The following CENPT variants were observed in gnomAD, a reference collection of about 807,000 sequenced individuals.
CENPT encodes centromere protein T, also known as interphase centromere complex protein 22.
A neutral mutation model predicts 59.7 loss-of-function variants in CENPT; 42 were observed. The observed-to-expected ratio is 0.70, with a 90% confidence interval of 0.55 to 0.91. CENPT has a LOEUF of 0.91. Ranked by LOEUF, CENPT falls within the 40% of genes least tolerant of loss-of-function variation. The probability of loss-of-function intolerance (pLI) is 0.00; values close to 1 mark genes in which losing one functional copy is unlikely to be tolerated. For synonymous variants in CENPT, 295 were observed against 289.6 expected (o/e 1.02, Z -0.19); for missense variants, 716 against 713.4 (o/e 1.00, Z -0.04).
chr16:67,834,647 G>T (rs937628296), intron 3 of CENPT, among the ~76,000 whole-genome samples: 2 of 152,076 alleles, frequency 1.3e-5, no homozygotes, highest in Non-Finnish European at 2.9e-5. Context: ...GATCTGCTTT[G>T]CAAATCTGTC....
At position 67,830,406 on chromosome 16, in the gene CENPT, A is replaced by C. The variant is rs1253259634; in HGVS notation, c.846T>G (p.Pro282=). Residue 282 remains proline (P), a synonymous_variant, in exon 11 of 16, where the codon CCT becomes CCG. Coordinates refer to ENST00000562787, the MANE Select transcript of CENPT (RefSeq NM_025082.4). The part of the protein sequence containing the change: ...AAGRKTQSSG[P]GLQKNSPGKP... ...CACACTCACTATTCTTCTGCAGCCC[A>C]GGCCCACTGCTCTGTGTCTTGCGAC... 2.5e-6 allele frequency: 4 copies of C among 1,610,688 alleles called. No homozygotes were observed. Among genetic ancestry groups the C allele is most frequent in the African/African-American group, 2.7e-5 (2 of 74,724 alleles).
Position 67,832,513 on chromosome 16 carries a change from G to A in CENPT, c.143C>T (p.Pro48Leu), listed in dbSNP as rs1161063145. 1 of 1,613,998 alleles carries A rather than the reference G, an allele frequency of 6.2e-7. No individual in the cohort carries two copies. The highest frequency in any genetic ancestry group is 1.3e-5 in the African/African-American group (1 of 74,920). The change falls in exon 5 of 16, where the codon CCC becomes CTC. Residue 48 changes from proline to leucine, a missense_variant. Pro to Leu is a moderately conservative substitution (Grantham distance 98). Coordinates refer to ENST00000562787, the MANE Select transcript of CENPT (RefSeq NM_025082.4). ...ARRALLETAS[P>L]RKLSGQTRTI... ...CCTTGTTTGGCCACTCAACTTCCTG[G>A]GGGAAGCCGTTTCAAGCAGGGCTCT...
chr16:67,830,087 G>A lies in CENPT; in HGVS notation c.864C>T (p.Ser288=), dbSNP rs1209234464. The change falls in exon 12 of 16, where the codon AGC becomes AGT. Residue 288 remains serine, a splice_region_variant and synonymous_variant. Coordinates refer to ENST00000562787, the MANE Select transcript of CENPT (RefSeq NM_025082.4). ...CCAGAAACTGGGCTGGTTTCCCAGG[G>A]CCTGAGTGAAGGGGAGAGAATACAG... is the stretch of plus-strand genomic sequence containing the variant. ...QSSGPGLQKN[S]PGKPAQFLAG... is the part of the protein sequence containing the mutation. 2 of 1,613,826 alleles carry A rather than the reference G, an allele frequency of 1.2e-6. No individual in the cohort carries two copies. The highest frequency in any genetic ancestry group is 2.7e-5 in the African/African-American group (2 of 74,920).
Position 67,842,527 on chromosome 16 carries a change from G to C in CENPT, c.-492+4874C>G. 1 of 1,477,726 alleles carries C rather than the reference G, an allele frequency of 6.8e-7. No individual in the cohort carries two copies. The highest frequency in any genetic ancestry group is 9.0e-7 in the Non-Finnish European group (1 of 1,112,888). The allele number at this position is 1,477,726 out of a possible 1,614,324, so 91.5% of individuals were successfully genotyped here. On this transcript the variant is annotated intron_variant, in intron 1 of 15. Coordinates refer to ENST00000562787, the MANE Select transcript of CENPT (RefSeq NM_025082.4). The surrounding 1 kb of genome is among the most constrained non-coding windows in gnomAD (Gnocchi z 4.9). Reference sequence around the variant, plus strand: ...CCGTCGAAGAGCGCAGGAGGCCGGTGGGCCGGGCCGGGCCGCGCGGCGCAG... The same window carrying C: ...CCGTCGAAGAGCGCAGGAGGCCGGTCGGCCGGGCCGGGCCGCGCGGCGCAG...
At position 67,830,497 on chromosome 16, in the gene CENPT, G is replaced by A. The variant is rs778175741; in HGVS notation, c.755C>T (p.Pro252Leu). 5 of 1,614,104 alleles carry A rather than the reference G, an allele frequency of 3.1e-6. No individual in the cohort carries two copies. In the Admixed American group the frequency reaches 6.7e-5, roughly 22 times the overall value. The change falls in exon 11 of 16, where the codon CCC becomes CTC. Residue 252 changes from proline to leucine, a missense_variant. Coordinates refer to ENST00000562787, the MANE Select transcript of CENPT (RefSeq NM_025082.4). ...QPFSQPMVGS[P>L]NVYHSLPCTP... The stretch of plus-strand genomic sequence containing the variant: ...GCAGGGCAGGGAGTGATACACGTTG[G>A]GGGAGCCAACCATGGGCTGAGAGAA...
At chr16:67,831,661 G>T (rs1156231149) in intron 8 of CENPT, 49 bp from the exon 9 acceptor site, 1 of 1,611,772 alleles carries the variant, frequency 6.2e-7, no homozygotes, top group Admixed American at 1.7e-5. Flanking sequence ...CATGGTAAGT[G>T]ATCCAGGCCT....
chr16:67,829,679 C>T (rs779214306), intron 12 of CENPT, 86 bp downstream of exon 12: 134 of 1,468,310 alleles, frequency 9.1e-5, no homozygotes, highest in Non-Finnish European at 1.2e-4. Flanking sequence ...CACCAGTGCC[C>T]GGAAACACAA....
intron 13 of CENPT, 200 bp from the exon 14 acceptor site, chr16:67,829,043 CCA>C (rs1310151726): frequency 3.5e-6 from 2 of 564,128 alleles, no homozygotes; most frequent in East Asian, 6.1e-5. Flanking sequence ...CTCTGTCCCT[CCA>C]CAGTCGACTC....
At position 67,842,397 on chromosome 16, in the gene CENPT, G is replaced by T; in HGVS notation, c.-492+5004C>A. ...CCGGCAGGAAGCGTATTCTGGGCAC[G>T]GGGCGCCGGGCGGGCCGGCTGCGCC... On this transcript the variant is annotated intron_variant, in intron 1 of 15. Coordinates refer to ENST00000562787, the MANE Select transcript of CENPT (RefSeq NM_025082.4). The surrounding 1 kb of genome is among the most constrained non-coding windows in gnomAD (Gnocchi z 4.9). 2.7e-6 allele frequency: 1 copy of T among 375,264 alleles called. No homozygotes were observed. The highest frequency in any genetic ancestry group is 4.1e-6 in the Non-Finnish European group (1 of 244,886). 23.2% of individuals were successfully genotyped at this position (375,264 alleles called of 1,614,324 possible).
At chr16:67,846,569 T>C (rs2057800558) in intron 1 of CENPT, among the ~76,000 whole-genome samples, 2 of 152,232 alleles carry the variant, frequency 1.3e-5, no homozygotes, top group Non-Finnish European at 1.5e-5. Flanking sequence ...CTGGGCCAGC[T>C]TGGGGCCGGG....
Position 67,830,060 on chromosome 16 carries a change from T to C in CENPT, c.891A>G (p.Ala297=). 6.2e-7 allele frequency: 1 copy of C among 1,614,208 alleles called. No individual in the cohort carries two copies. The highest frequency in any genetic ancestry group is 1.3e-5 in the African/African-American group (1 of 75,056). The part of the protein sequence containing the change: ...NSPGKPAQFL[A]GEAEEVNAFA... ...AGGCATTGACCTCCTCTGCCTCTCCTGCCAGAAACTGGGCTGGTTTCCCAG... is the reference window on the plus strand; with the variant it reads ...AGGCATTGACCTCCTCTGCCTCTCCCGCCAGAAACTGGGCTGGTTTCCCAG... The change falls in exon 12 of 16, where the codon GCA becomes GCG. Residue 297 remains alanine (A), a synonymous_variant. Transcript: ENST00000562787.
At chr16:67,831,511 C>A in intron 9 of CENPT, 65 bp downstream of exon 9, 1 of 1,593,850 alleles carries the variant, frequency 6.3e-7, no homozygotes, top group Non-Finnish European at 8.6e-7. Flanking sequence ...CCATCCCAGG[C>A]AGCACCTCCC....
intron 10 of CENPT, chr16:67,830,751 T>C (rs1440680127): frequency 1.0e-5 from 6 of 582,374 alleles, no homozygotes; most frequent in African/African-American, 1.9e-5. Flanking sequence ...CCCTCCTTGC[T>C]TACCTTCCTG....
chr16:67,838,929 T>C (rs796942800), intron 1 of CENPT, among the ~76,000 whole-genome samples: 4 of 139,956 alleles, frequency 2.9e-5, no homozygotes, highest in African/African-American at 1.1e-4. Context: ...CAAGACTCTG[T>C]CTCAAAAAAA....
Position 67,833,839 on chromosome 16 carries a change from G to A in CENPT, c.21C>T (p.Asp7=), listed in dbSNP as rs753524227. The A allele has an allele frequency of 7.0e-6, 11 of 1,568,506 alleles. No homozygotes were observed. The highest frequency in any genetic ancestry group is 1.4e-5 in the African/African-American group (1 of 72,068). Residue 7 remains aspartate (D), a synonymous_variant, in exon 4 of 16, where the codon GAC becomes GAT. Transcript: ENST00000562787. ...GCAGCGTGCGCGGCGTGGAGTCGCT[G>A]TCAGGGTTGTGGTCAGCCATCGTCT... MADHNP[D]SDSTPRTLLR...
In CENPT at chr16:67,831,777, T is replaced by C; in HGVS notation, c.500A>G (p.Asp167Gly). ...LRLSVFQQGVDQGLSLSQEPQ... is the reference protein window; with the variant it reads ...LRLSVFQQGVGQGLSLSQEPQ... ...ACCTTGGGAGAGAGACAGCCCCTGG[T>C]CCACTCCCTGCTGAAACACTGACAG... The change falls in exon 8 of 16, where the codon GAC (aspartate) becomes GGC (glycine). Residue 167 changes from aspartate (D) to glycine (G), a missense_variant. Physicochemically the swap from Asp to Gly is moderately conservative, Grantham distance 94. Transcript: ENST00000562787. 6.3e-7 allele frequency: 1 copy of C among 1,585,868 alleles called. No homozygotes were observed. The highest frequency in any genetic ancestry group is 8.6e-7 in the Non-Finnish European group (1 of 1,166,996).
chr16:67,829,835 T>A lies in CENPT; in HGVS notation c.1116A>T (p.Gly372=), dbSNP rs373940835. ...CGTCAGCCTCAGCAGTCCCCTGGGATCCCTCTGCTTCTGTCACCTCTGTGT... is the reference window on the plus strand; with the variant it reads ...CGTCAGCCTCAGCAGTCCCCTGGGAACCCTCTGCTTCTGTCACCTCTGTGT... ...EGHTEVTEAE[G]SQGTAEADGP... is the part of the protein sequence containing the mutation. The change falls in exon 12 of 16, where the codon GGA becomes GGT. Residue 372 remains glycine, a synonymous_variant. Coordinates refer to ENST00000562787, the MANE Select transcript of CENPT (RefSeq NM_025082.4). 1.2e-6 allele frequency: 2 copies of A among 1,614,054 alleles called. No homozygotes were observed. Among genetic ancestry groups the A allele is most frequent in the African/African-American group, 1.3e-5 (1 of 74,912 alleles).
intron 10 of CENPT, chr16:67,830,765 C>A (rs894190346): frequency 8.7e-6 from 5 of 573,786 alleles, no homozygotes; most frequent in Non-Finnish European, 1.5e-5. Context: ...CTTCCTGTTC[C>A]TCTGCCTGGC....
rs2057690111 is a variant in CENPT, at chr16:67,831,676, G to A, written c.524-64C>T. The A allele has an allele frequency of 3.1e-6, 5 of 1,608,266 alleles. No homozygotes were observed. In the South Asian group the frequency reaches 3.3e-5, roughly 11 times the overall value. On this transcript the variant is annotated intron_variant, in intron 8 of 15. Transcript: ENST00000562787. ...CATGGTAAGTGATCCAGGCCTGTGA[G>A]GGCCCTCTCTCAGGACTCCTCAGCC...
Sources: gnomAD v4.1 joint callset for allele counts (sites outside exome capture counted in the v4.1 genomes callset) on GRCh38, gnomAD v4.1.1 for gene constraint, Gnocchi (gnomAD v3.1) non-coding constraint, MANE v1.5 for transcripts, NCBI Gene and HGNC (gene_info 2026-07-23, HGNC 2026-07-21) for gene names.